RIMS1: variants seen among roughly 807,000 people sequenced by gnomAD.
RIMS1 encodes the protein regulating synaptic membrane exocytosis 1.
In RIMS1, 83 loss-of-function variants were observed where a neutral mutation model predicts 214.1. The ratio of observed to expected loss-of-function variants is 0.39; its 90% CI spans 0.32 to 0.47. The LOEUF is 0.47. RIMS1 is among the 20% of genes least tolerant of loss of function. RIMS1 has a pLI of 0.99. For missense variants in RIMS1, 2,050 were observed against 2,161.8 expected (o/e 0.95, Z 1.03); for synonymous variants, 793 against 786.8 (o/e 1.01, Z -0.13).
At chr6:72,285,431 C>T (rs2154231107) in intron 24 of RIMS1, among the ~76,000 whole-genome samples, 1 of 152,282 alleles carries the variant, frequency 6.6e-6, no homozygotes, top group Non-Finnish European at 1.5e-5. Flanking sequence ...AAAAGAAAAG[C>T]TTTCCAGAGG....
At chr6:72,219,881 A>G (rs141078837) in intron 6 of RIMS1, among the ~76,000 whole-genome samples, 189 of 151,764 alleles carry the variant, frequency 1.2e-3, no homozygotes, top group Middle Eastern at 3.4e-3. Context: ...TTGTTATTAT[A>G]TTTTCTATAT....
intron 4 of RIMS1, among the ~76,000 whole-genome samples, chr6:72,145,307 T>G (rs187865006): frequency 2.6e-5 from 4 of 152,300 alleles, no homozygotes; most frequent in African/African-American, 9.6e-5. Context: ...CTTGGGCTCC[T>G]GGGCCTATTA....
intron 1 of RIMS1, among the ~76,000 whole-genome samples, chr6:71,887,395 C>A (rs1423658173): frequency 6.6e-6 from 1 of 152,076 alleles, no homozygotes; most frequent in East Asian, 1.9e-4. Flanking sequence ...TGCCACAGAT[C>A]CAGGAACCCA....
rs137862860 is a variant in RIMS1, at chr6:72,079,859, G to T, written c.246-17090G>T. Among the ~76,000 whole-genome samples, 857 of 151,976 alleles carry T rather than the reference G, an allele frequency of 5.6e-3. 8 individuals are homozygous for T. Among genetic ancestry groups the T allele is most frequent in the African/African-American group, 0.02 (832 of 41,430 alleles). On this transcript the variant is annotated intron_variant, in intron 2 of 33. Coordinates refer to ENST00000521978, the MANE Select transcript of RIMS1 (RefSeq NM_014989.7). ...TGATTGTGTCACTGCACTCCAGCCT[G>T]GGTGACAGACAGAGACTCTGTCTCA...
intron 23 of RIMS1, among the ~76,000 whole-genome samples, chr6:72,281,132 A>T (rs1027827020): frequency 1.3e-5 from 2 of 152,122 alleles, no homozygotes; most frequent in African/African-American, 4.8e-5. Context: ...TGTTGTTCAG[A>T]TTATGGACTC....
intron 3 of RIMS1, among the ~76,000 whole-genome samples, chr6:72,097,734 T>C (rs2032233207): frequency 6.6e-6 from 1 of 152,192 alleles, no homozygotes; most frequent in Non-Finnish European, 1.5e-5. Flanking sequence ...CTATAAGATA[T>C]ATTCTTACCT....
intron 5 of RIMS1, among the ~76,000 whole-genome samples, chr6:72,180,680 C>A (rs1274232538): frequency 6.6e-6 from 1 of 152,226 alleles, no homozygotes; most frequent in East Asian, 1.9e-4. Context: ...ACAAAGAAGA[C>A]AGAGCCCTTA....
chr6:72,157,579 A>G (rs1159486768), intron 4 of RIMS1, among the ~76,000 whole-genome samples: 1 of 140,284 alleles, frequency 7.1e-6, no homozygotes, highest in African/African-American at 2.5e-5. Context: ...TGATGGCTGT[A>G]CTATCGTTAT....
intron 27 of RIMS1, among the ~76,000 whole-genome samples, chr6:72,311,568 T>C (rs2095512694): frequency 6.6e-6 from 1 of 152,220 alleles, no homozygotes; most frequent in African/African-American, 2.4e-5. Context: ...GAATTCTAAT[T>C]TGGCATATGA....
At chr6:72,304,594 A>G (rs1592699577) in intron 26 of RIMS1, among the ~76,000 whole-genome samples, 3 of 152,048 alleles carry the variant, frequency 2.0e-5, no homozygotes, top group Admixed American at 2.0e-4. Flanking sequence ...TATTCTAGAT[A>G]TATAGTTGAA....
At chr6:72,179,217 G>C (rs888723465) in intron 4 of RIMS1, among the ~76,000 whole-genome samples, 3 of 151,408 alleles carry the variant, frequency 2.0e-5, no homozygotes, top group Admixed American at 1.3e-4. Flanking sequence ...TTTTTTCCTG[G>C]TAACATTTTT....
At chr6:72,098,528 C>G (rs1231909801) in intron 3 of RIMS1, among the ~76,000 whole-genome samples, 4 of 152,056 alleles carry the variant, frequency 2.6e-5, no homozygotes, top group Non-Finnish European at 5.9e-5. Context: ...CTCCTGACCT[C>G]AGGTGATCCG....
chr6:72,007,675 A>G, intron 2 of RIMS1, among the ~76,000 whole-genome samples: 1 of 152,250 alleles, frequency 6.6e-6, no homozygotes, highest in East Asian at 1.9e-4. Flanking sequence ...TACGTGACGA[A>G]TGCACAAGCT....
chr6:72,167,532 T>C (rs964506675), intron 4 of RIMS1, among the ~76,000 whole-genome samples: 1 of 152,172 alleles, frequency 6.6e-6, no homozygotes, highest in African/African-American at 2.4e-5. Context: ...TCTTTAAATA[T>C]GTTTTAAGGA....
rs566037653 is a variant in RIMS1 at position 72,163,483 on chromosome 6, T to G, written c.472-16092T>G. On this transcript the variant is annotated intron_variant, in intron 4 of 33. Coordinates refer to ENST00000521978, the MANE Select transcript of RIMS1 (RefSeq NM_014989.7). ...ACTCTGATTTTTAATTTCCAGTTTT[T>G]CTGCTCTGGTTTTTCCCCACCTTTG... Among the ~76,000 whole-genome samples, 6 of 141,450 alleles carry G rather than the reference T, an allele frequency of 4.2e-5. 2 individuals are homozygous for G. The highest frequency in any genetic ancestry group is 8.0e-5 in the Non-Finnish European group (5 of 62,148). The allele number at this position is 141,450 out of a possible 152,430, so 92.8% of individuals were successfully genotyped here.
intron 29 of RIMS1, among the ~76,000 whole-genome samples, chr6:72,337,329 GA>G (rs2096875332): frequency 6.6e-6 from 1 of 151,754 alleles, no homozygotes; most frequent in South Asian, 2.1e-4. Flanking sequence ...ACTTGAAAAT[GA>G]AGGCATTATT....
At chr6:72,317,674 A>G (rs1197485779) in intron 28 of RIMS1, among the ~76,000 whole-genome samples, 1 of 152,222 alleles carries the variant, frequency 6.6e-6, no homozygotes, top group Non-Finnish European at 1.5e-5. Context: ...GCAATACAGG[A>G]TAAAATTCAA....
In RIMS1 at chr6:72,181,051, AGGGCATAAAGATGATTAGAACATACAT is replaced by A. The variant is rs533244036; in HGVS notation, c.812+1139_812+1165del. On this transcript the variant is annotated intron_variant, in intron 5 of 33. Coordinates refer to ENST00000521978, the MANE Select transcript of RIMS1 (RefSeq NM_014989.7). The stretch of plus-strand genomic sequence containing the variant: ...AGATAAACACTGTGCCAGGAACCAG[AGGGCATAAAGATGATTAGAACATACAT>A]GGTCCCTTTTCTGACAAATCCTAGG... Among the ~76,000 whole-genome samples, 359 of 152,340 alleles carry A rather than the reference AGGGCATAAAGATGATTAGAACATACAT, an allele frequency of 2.4e-3. 1 individual carries two copies. The highest frequency in any genetic ancestry group is 0.02 in the Middle Eastern group (6 of 294).
intron 2 of RIMS1, among the ~76,000 whole-genome samples, chr6:72,035,293 T>G (rs1334716818): frequency 6.6e-6 from 1 of 152,118 alleles, no homozygotes; most frequent in Non-Finnish European, 1.5e-5. Context: ...TACCTACAAA[T>G]GGTGAGGGCT....
Sources: gnomAD v4.1 joint callset for allele counts (sites outside exome capture counted in the v4.1 genomes callset) on GRCh38, gnomAD v4.1.1 for gene constraint, MANE v1.5 for transcripts, NCBI Gene and HGNC (gene_info 2026-07-23, HGNC 2026-07-21) for gene names.